PCDHA4: variants seen among roughly 807,000 people sequenced by gnomAD.
PCDHA4 encodes protocadherin alpha-4.
Under a neutral mutation model 61.4 loss-of-function variants are expected in PCDHA4, and 49 were observed. That is an observed-to-expected ratio of 0.80 (90% CI 0.63 to 1.01). PCDHA4 has a LOEUF of 1.01. PCDHA4 is among the 50% of genes least tolerant of loss of function. PCDHA4 has a pLI of 0.00. For synonymous variants in PCDHA4, 590 were observed against 550.3 expected, an observed-to-expected ratio of 1.07 and a Z score of -1.01; for missense variants, 1,254 against 1,235.8, an observed-to-expected ratio of 1.01 and a Z score of -0.22.
intron 1 of PCDHA4, among the ~76,000 whole-genome samples, chr5:140,915,722 A>G (rs559518429): frequency 1.3e-5 from 2 of 151,088 alleles, no homozygotes; most frequent in South Asian, 4.2e-4. Flanking sequence ...CCCACTTTGG[A>G]TTGTGCTGGG....
chr5:140,830,031 T>G (rs1243555382), intron 1 of PCDHA4: 1 of 1,613,728 alleles, frequency 6.2e-7, no homozygotes, highest in Non-Finnish European at 8.5e-7. Context: ...CGCCACCGGC[T>G]GCTGGTGCTG....
intron 1 of PCDHA4, among the ~76,000 whole-genome samples, chr5:140,909,596 T>C (rs2074597089): frequency 6.6e-6 from 1 of 152,222 alleles, no homozygotes; most frequent in South Asian, 2.1e-4. Context: ...TGATTTACTA[T>C]TTTTCTAGGT....
chr5:140,808,817 C>T lies in PCDHA4; in HGVS notation c.1630C>T (p.Pro544Ser). 1.9e-6 allele frequency: 3 copies of T among 1,612,850 alleles called. No individual in the cohort carries two copies. The highest frequency in any genetic ancestry group is 1.7e-6 in the Non-Finnish European group (2 of 1,179,812). The stretch of plus-strand genomic sequence containing the variant: ...GACCGCTCGCGATGCCGGCGTGCCA[C>T]CTCTGGGCAGCAACGTGACGCTGCA... ...QVTARDAGVP[P>S]LGSNVTLQVF... Residue 544 changes from proline to serine, a missense_variant, in exon 1 of 4, where the codon CCT (proline) becomes TCT (serine). Coordinates refer to ENST00000530339, the MANE Select transcript of PCDHA4 (RefSeq NM_018907.4).
At chr5:140,882,545 G>C (rs1174281421) in intron 1 of PCDHA4, 1 of 1,614,120 alleles carries the variant, frequency 6.2e-7, no homozygotes, top group African/African-American at 1.3e-5. Flanking sequence ...GATCGACCGC[G>C]AGGAGCTGTG....
At chr5:140,862,185 A>G (rs561305480) in intron 1 of PCDHA4, 1 of 166,788 alleles carries the variant, frequency 6.0e-6, no homozygotes, top group South Asian at 1.6e-4. Flanking sequence ...TGACACAGGC[A>G]ATTCCCCAAT....
Position 140,915,075 on chromosome 5 carries a change from A to T in PCDHA4, c.2386-63874A>T, listed in dbSNP as rs111889109. ...ATTCTCCTGCCTTAGCCTACTGAGTAGCTGGGACTATGGGCACGCACCACC... is the reference window on the plus strand; with the variant it reads ...ATTCTCCTGCCTTAGCCTACTGAGTTGCTGGGACTATGGGCACGCACCACC... On this transcript the variant is annotated intron_variant, in intron 1 of 3. Transcript: ENST00000530339. 7.1e-3 allele frequency among the ~76,000 whole-genome samples: 1,070 copies of T among 151,432 alleles called. 10 individuals are homozygous for T. The highest frequency in any genetic ancestry group is 0.025 in the African/African-American group (1,035 of 41,220).
At chr5:140,882,699 A>C in intron 1 of PCDHA4, 3 of 1,614,184 alleles carry the variant, frequency 1.9e-6, no homozygotes, top group South Asian at 1.1e-5. Context: ...ATCATTGCAG[A>C]ATCTAGACCT....
intron 3 of PCDHA4, among the ~76,000 whole-genome samples, chr5:141,003,251 C>T (rs1240561091): frequency 6.6e-6 from 1 of 152,176 alleles, no homozygotes; most frequent in Admixed American, 6.5e-5. Flanking sequence ...AAAAAGATTC[C>T]TGGGCAGTGC....
At position 140,835,539 on chromosome 5, in the gene PCDHA4, A is replaced by C; in HGVS notation, c.2385+25967A>C. 3 of 1,613,960 alleles carry C rather than the reference A, an allele frequency of 1.9e-6. No individual in the cohort carries two copies. The East Asian group carries it at 6.7e-5, about 36-fold the overall frequency. On this transcript the variant is annotated intron_variant, in intron 1 of 3. Coordinates refer to ENST00000530339, the MANE Select transcript of PCDHA4 (RefSeq NM_018907.4). ...AGATTTTGGAGTCAACGGACAGGTT[A>C]CCTGCTCCCTGACGCCCCGCGTTCC... is the stretch of plus-strand genomic sequence containing the variant.
At chr5:140,878,103 G>GA (rs748975221) in intron 1 of PCDHA4, 34 of 261,730 alleles carry the variant, frequency 1.3e-4, no homozygotes, top group Non-Finnish European at 2.0e-4. Context: ...GATGAACCTT[G>GA]AAAAAAACAG....
intron 1 of PCDHA4, among the ~76,000 whole-genome samples, chr5:140,971,962 T>C (rs1392143830): frequency 6.6e-6 from 1 of 152,150 alleles, no homozygotes; most frequent in Non-Finnish European, 1.5e-5. Context: ...CAAAAACTTT[T>C]TTTCAATACT....
intron 1 of PCDHA4, chr5:140,863,562 G>T: frequency 5.3e-6 from 2 of 376,150 alleles, no homozygotes; most frequent in South Asian, 4.2e-5. Flanking sequence ...AAATTTTTGA[G>T]AATATAAGTA....
Position 140,853,581 on chromosome 5 carries a change from C to T in PCDHA4, c.2385+44009C>T, listed in dbSNP as rs765816845. ...GAAAAACTAAGTTGTCACCCAATAT[C>T]TTAGACACTTTGAGAGCAAAGGGGG... On this transcript the variant is annotated intron_variant, in intron 1 of 3. Transcript: ENST00000530339. 6.1e-4 allele frequency: 602 copies of T among 984,310 alleles called. 55 individuals are homozygous for T. Among genetic ancestry groups the T allele is most frequent in the Non-Finnish European group, 6.9e-4 (563 of 816,746 alleles). 61.0% of individuals were successfully genotyped at this position (984,310 alleles called of 1,614,324 possible).
intron 1 of PCDHA4, among the ~76,000 whole-genome samples, chr5:140,973,877 A>G (rs782563295): frequency 6.6e-6 from 1 of 152,234 alleles, no homozygotes; most frequent in Non-Finnish European, 1.5e-5. Context: ...AGGTCAGAAT[A>G]ATGTCAATTT....
At chr5:140,857,192 G>A in intron 1 of PCDHA4, 2 of 1,598,474 alleles carry the variant, frequency 1.3e-6, no homozygotes, top group Non-Finnish European at 1.7e-6. Context: ...AGGAGCCAAC[G>A]GACAGGTCAC....
At chr5:140,870,557 A>G (rs1554164412) in intron 1 of PCDHA4, 5 of 1,613,906 alleles carry the variant, frequency 3.1e-6, no homozygotes, top group African/African-American at 2.7e-5. Context: ...GACGCGCAGG[A>G]GAACGCGCTG....
intron 1 of PCDHA4, chr5:140,842,858 G>A (rs2150346522): frequency 1.3e-6 from 2 of 1,594,076 alleles, no homozygotes; most frequent in South Asian, 2.2e-5. Context: ...GGTGCACACG[G>A]AGAGCGGCAA....
At chr5:140,852,737 C>CGG in intron 1 of PCDHA4, 1 of 983,808 alleles carries the variant, frequency 1.0e-6, no homozygotes, top group Non-Finnish European at 1.2e-6. Context: ...GTTTCATGTG[C>CGG]CATTTAAACT....
At chr5:140,974,426 G>T (rs1417085676) in intron 1 of PCDHA4, among the ~76,000 whole-genome samples, 1 of 152,152 alleles carries the variant, frequency 6.6e-6, no homozygotes, top group Non-Finnish European at 1.5e-5. Flanking sequence ...TTACTTTCCT[G>T]GTTTGTAAAT....
Sources: allele counts gnomAD v4.1 joint callset (sites outside exome capture counted in the v4.1 genomes callset), GRCh38; gene constraint gnomAD v4.1.1; transcripts MANE v1.5; gene names NCBI Gene and HGNC (gene_info 2026-07-23, HGNC 2026-07-21).